Variants in CACNB1 observed in about 807,000 individuals in gnomAD.
CACNB1 encodes voltage-dependent L-type calcium channel subunit beta-1.
In CACNB1, 29 loss-of-function variants were observed where a neutral mutation model predicts 71.6. The ratio of observed to expected loss-of-function variants is 0.40; its 90% CI spans 0.30 to 0.55. CACNB1 has a LOEUF of 0.55. Ranked by LOEUF, CACNB1 falls within the 20% of genes least tolerant of loss-of-function variation. The pLI is 0.38. For missense variants in CACNB1, 623 were observed against 801.8 expected (o/e 0.78, Z 2.69); for synonymous variants, 300 against 319.6 (o/e 0.94, Z 0.65).
Position 39,186,831 on chromosome 17 carries a change from C to CA in CACNB1, c.512dup (p.Gln172AlafsTer18). On this transcript the variant is annotated frameshift_variant, in exon 5 of 14. Transcript: ENST00000394303. LOFTEE classifies it high-confidence loss of function. This position sits in a 1 kb window ranked among gnomAD's most constrained non-coding sequence, Gnocchi z 4.1. Reference sequence around the variant, plus strand: ...GGTTCTGGCGCAGCTTCTGTTCCTGCAGCAGGCGAAGGCTGTCCAGTTTGA... The same window carrying CA: ...GGTTCTGGCGCAGCTTCTGTTCCTGCAAGCAGGCGAAGGCTGTCCAGTTTGA... The CA allele has an allele frequency of 6.2e-7, 1 of 1,614,120 alleles. No individual in the cohort carries two copies. Among genetic ancestry groups the CA allele is most frequent in the Non-Finnish European group, 8.5e-7 (1 of 1,179,988 alleles).
intron 12 of CACNB1, 116 bp from the exon 13 acceptor site, chr17:39,177,651 A>G (rs564195118): frequency 8.7e-6 from 7 of 804,002 alleles, no homozygotes; most frequent in South Asian, 1.8e-5. Flanking sequence ...AAGGTTAAAA[A>G]GAGGCCTCTG....
rs529955 is a variant in CACNB1 at position 39,175,783 on chromosome 17, A to G, written c.1333-126T>C. The G allele has an allele frequency of 0.23, 175,686 of 774,128 alleles. 24,430 individuals carry two copies. The highest frequency in any genetic ancestry group is 0.59 in the African/African-American group (33,591 of 57,148). 48.0% of individuals were successfully genotyped at this position (774,128 alleles called of 1,614,324 possible). ...TGGATGAAGAGGGTGCTGGCTCTAG[A>G]GGAGGGGCCCCGGGGACAAACGGCT... On this transcript the variant is annotated intron_variant, in intron 13 of 13. Transcript: ENST00000394303. The surrounding 1 kb of genome is among the most constrained non-coding windows in gnomAD (Gnocchi z 4.7).
intron 6 of CACNB1, among the ~76,000 whole-genome samples, chr17:39,185,718 AG>A (rs1434884295): frequency 6.6e-6 from 1 of 152,158 alleles, no homozygotes; most frequent in Non-Finnish European, 1.5e-5. Context: ...CTGCTGCCCC[AG>A]GTGTGGGGGC....
Position 39,186,338 on chromosome 17 carries a change from G to T in CACNB1, c.628+158C>A. On this transcript the variant is annotated intron_variant, in intron 6 of 13. Coordinates refer to ENST00000394303, the MANE Select transcript of CACNB1 (RefSeq NM_000723.5). This position sits in a 1 kb window ranked among gnomAD's most constrained non-coding sequence, Gnocchi z 4.1. The stretch of plus-strand genomic sequence containing the variant: ...GAGAGACATGACAGGCCCAGCTTGA[G>T]GGGTAGCCTACTCTTCATGGAGGGG... The T allele has an allele frequency of 1.6e-6, 1 of 642,192 alleles. No individual in the cohort carries two copies. The highest frequency in any genetic ancestry group is 2.7e-6 in the Non-Finnish European group (1 of 366,958). 39.8% of individuals were successfully genotyped at this position (642,192 alleles called of 1,614,324 possible).
intron 11 of CACNB1, among the ~76,000 whole-genome samples, chr17:39,182,686 G>A (rs2045805050): frequency 6.7e-6 from 1 of 149,282 alleles, no homozygotes; most frequent in South Asian, 2.1e-4. Context: ...TGGTGACAGA[G>A]CAAGACTCTG....
intron 8 of CACNB1, 55 bp from the exon 9 acceptor site, chr17:39,184,438 G>A (rs986865196): frequency 1.2e-5 from 12 of 985,416 alleles, no homozygotes; most frequent in African/African-American, 3.2e-5. Flanking sequence ...ATTTAAAGCC[G>A]CTCAGACTCT....
At chr17:39,185,199 G>C in intron 6 of CACNB1, 49 bp from the exon 7 acceptor site, 2 of 1,481,270 alleles carry the variant, frequency 1.4e-6, no homozygotes, top group Non-Finnish European at 1.9e-6. Flanking sequence ...GAGAGGGAAG[G>C]GGACCCAGGC....
chr17:39,190,322 G>A (rs1223195178), intron 3 of CACNB1, among the ~76,000 whole-genome samples: 1 of 152,164 alleles, frequency 6.6e-6, no homozygotes, highest in Non-Finnish European at 1.5e-5. Flanking sequence ...TCGGGAGGCT[G>A]AGATGGGAGG....
At chr17:39,196,469 T>C (rs375515418) in intron 1 of CACNB1, among the ~76,000 whole-genome samples, 38 of 152,268 alleles carry the variant, frequency 2.5e-4, no homozygotes, top group African/African-American at 9.1e-4. Flanking sequence ...TAGGTCTGAC[T>C]TGACCCCTCT....
intron 1 of CACNB1, among the ~76,000 whole-genome samples, chr17:39,195,520 G>A (rs2046185915): frequency 6.6e-6 from 1 of 152,180 alleles, no homozygotes. Context: ...CACAGAGTAG[G>A]GAGGGGATGA....
At chr17:39,185,252 G>A in intron 6 of CACNB1, 102 bp from the exon 7 acceptor site, 1 of 889,556 alleles carries the variant, frequency 1.1e-6, no homozygotes, top group Non-Finnish European at 1.9e-6. Flanking sequence ...GAGAGGGAGG[G>A]AGAGCCGGGC....
intron 1 of CACNB1, among the ~76,000 whole-genome samples, chr17:39,196,726 T>TC (rs978092268): frequency 4.6e-5 from 6 of 129,046 alleles, no homozygotes; most frequent in Admixed American, 1.7e-4. Context: ...TAAAACAGCT[T>TC]CCCCCCCTCC....
chr17:39,182,195 G>A (rs2045784766), intron 11 of CACNB1, among the ~76,000 whole-genome samples: 1 of 151,216 alleles, frequency 6.6e-6, no homozygotes, highest in Non-Finnish European at 1.5e-5. Flanking sequence ...TGTGGTGTGT[G>A]CCCGTAATCC....
intron 2 of CACNB1, chr17:39,192,518 A>G (rs1374326857): frequency 6.6e-6 from 1 of 152,448 alleles, no homozygotes; most frequent in Non-Finnish European, 1.5e-5. Flanking sequence ...GTACAGCCAC[A>G]TGTGAGTGTA....
At chr17:39,184,956 C>A in intron 7 of CACNB1, 92 bp from the exon 8 acceptor site, 1 of 1,052,664 alleles carries the variant, frequency 9.5e-7, no homozygotes. Flanking sequence ...CAGCCTTCCC[C>A]CACCCTGGTC....
At chr17:39,185,276 T>C in intron 6 of CACNB1, 126 bp from the exon 7 acceptor site, 1 of 760,670 alleles carries the variant, frequency 1.3e-6, no homozygotes, top group East Asian at 2.6e-5. Context: ...CGAGGAGAGA[T>C]AACAGGGCAT....
chr17:39,187,565 C>T lies in CACNB1; in HGVS notation c.328G>A (p.Gly110Ser). 2 of 1,614,212 alleles carry T rather than the reference C, an allele frequency of 1.2e-6. No homozygotes were observed. The highest frequency in any genetic ancestry group is 1.7e-6 in the Non-Finnish European group (2 of 1,180,038). Residue 110 changes from glycine (G) to serine (S), a missense_variant, in exon 4 of 14, where the codon GGC becomes AGC. Gly to Ser is a moderately conservative substitution (Grantham distance 56, BLOSUM62 0). Coordinates refer to ENST00000394303, the MANE Select transcript of CACNB1 (RefSeq NM_000723.5). ...TCATCCCCTGGAGACGGATTGTAGC[C>T]AACATTTGTCCGCACAGCAAATGCC... ...PVAFAVRTNV[G>S]YNPSPGDEVP...
intron 13 of CACNB1, among the ~76,000 whole-genome samples, chr17:39,176,194 GAT>G (rs1334984259): frequency 6.6e-6 from 1 of 152,138 alleles, no homozygotes; most frequent in African/African-American, 2.4e-5. Flanking sequence ...AGGCTGATGG[GAT>G]TCCTCCCTTG....
chr17:39,191,566 G>A lies in CACNB1; in HGVS notation c.199C>T (p.Pro67Ser). 1.9e-6 allele frequency: 3 copies of A among 1,610,316 alleles called. No individual in the cohort carries two copies. Among genetic ancestry groups the A allele is most frequent in the Non-Finnish European group, 2.5e-6 (3 of 1,178,666 alleles). ...TCCAGAGATACATCAGAGTCTGATG[G>A]ACGGCTGGTGTAGGACTCCGCTGAG... ...QGSAESYTSR[P>S]SDSDVSLEED... is the part of the protein sequence containing the mutation. The change falls in exon 3 of 14, where the codon CCA becomes TCA. Residue 67 changes from proline (P) to serine (S), a missense_variant. By Grantham distance (74) the Pro-to-Ser change is moderately conservative (BLOSUM62 -1). Transcript: ENST00000394303.
Sources: allele counts gnomAD v4.1 joint callset (sites outside exome capture counted in the v4.1 genomes callset), GRCh38; gene constraint gnomAD v4.1.1; non-coding constraint Gnocchi (gnomAD v3.1); transcripts MANE v1.5; gene names NCBI Gene and HGNC (gene_info 2026-07-23, HGNC 2026-07-21).